Variants in MGMT observed in about 807,000 individuals in gnomAD.
MGMT encodes the protein methylated-DNA--protein-cysteine methyltransferase.
MGMT carries 14 observed loss-of-function variants against 15.9 expected under a neutral mutation model. That is an observed-to-expected ratio of 0.88 (90% CI 0.58 to 1.37). MGMT has a LOEUF of 1.37. Ranked by LOEUF, MGMT falls within the 40% of genes most tolerant of loss-of-function variation. The probability of loss-of-function intolerance (pLI) is 0.00; values close to 1 mark genes in which losing one functional copy is unlikely to be tolerated. For synonymous variants in MGMT, 130 were observed against 118.2 expected (o/e 1.10, Z -0.65); for missense variants, 282 against 268.1 (o/e 1.05, Z -0.36).
At chr10:129,577,776 CA>C (rs1846502592) in intron 2 of MGMT, among the ~76,000 whole-genome samples, 4 of 152,048 alleles carry the variant, frequency 2.6e-5, no homozygotes, top group Admixed American at 2.6e-4. Context: ...AAAATTTTCT[CA>C]ACCTACTCCT....
chr10:129,623,177 G>T (rs1018216888), intron 2 of MGMT, among the ~76,000 whole-genome samples: 43 of 152,172 alleles, frequency 2.8e-4, no homozygotes, highest in African/African-American at 1.0e-3. Context: ...TTACAATGAA[G>T]CCCTTGCGCT....
chr10:129,505,423 G>A (rs1204540578), intron 1 of MGMT, among the ~76,000 whole-genome samples: 1 of 152,184 alleles, frequency 6.6e-6, no homozygotes, highest in East Asian at 1.9e-4. Context: ...AATATTATGT[G>A]ATAAATATGT....
At chr10:129,725,554 A>G (rs1241943764) in intron 3 of MGMT, among the ~76,000 whole-genome samples, 1 of 152,194 alleles carries the variant, frequency 6.6e-6, no homozygotes, top group Non-Finnish European at 1.5e-5. Context: ...CACCTTTTCC[A>G]GGTGGTGGTT....
At chr10:129,702,142 C>G (rs940520814) in intron 2 of MGMT, 1 of 152,204 alleles carries the variant, frequency 6.6e-6, no homozygotes, top group African/African-American at 2.4e-5. Context: ...TCACCGGGGC[C>G]TTCCAGTCTG....
Position 129,731,431 on chromosome 10 carries a change from C to T in MGMT, c.274+23388C>T, listed in dbSNP as rs574373148. On this transcript the variant is annotated intron_variant, in intron 3 of 4. Coordinates refer to ENST00000651593, the MANE Select transcript of MGMT (RefSeq NM_002412.5). ...AAGCTTGAGTGCAGTGACACGATCT[C>T]GGCTTACTGCAACATCTGCCTCCTG... Among the ~76,000 whole-genome samples, 131 of 144,262 alleles carry T rather than the reference C, an allele frequency of 9.1e-4. 1 individual carries two copies. The highest frequency in any genetic ancestry group is 3.0e-3 in the African/African-American group (115 of 38,338). 94.6% of individuals were successfully genotyped at this position (144,262 alleles called of 152,430 possible). A position where few individuals can be genotyped will look rare whatever the true frequency, so the allele number is the denominator to read the frequency against.
At chr10:129,569,131 C>A (rs1846388196) in intron 2 of MGMT, among the ~76,000 whole-genome samples, 2 of 152,186 alleles carry the variant, frequency 1.3e-5, no homozygotes, top group African/African-American at 2.4e-5. Context: ...TGGCAGGTTA[C>A]CTCAGCTGTT....
chr10:129,592,436 A>G (rs1445078100), intron 2 of MGMT, among the ~76,000 whole-genome samples: 2 of 152,240 alleles, frequency 1.3e-5, no homozygotes, highest in African/African-American at 4.8e-5. Context: ...GTAGATTTGC[A>G]TACCTCAGTG....
intron 2 of MGMT, among the ~76,000 whole-genome samples, chr10:129,610,467 C>T (rs1303232585): frequency 6.6e-6 from 1 of 152,260 alleles, no homozygotes; most frequent in Non-Finnish European, 1.5e-5. Context: ...CTTGAGCCCC[C>T]ACCCTGCACA....
At position 129,716,044 on chromosome 10, in the gene MGMT, A is replaced by G. The variant is rs546480867; in HGVS notation, c.274+8001A>G. Among the ~76,000 whole-genome samples, 13 of 152,326 alleles carry G rather than the reference A, an allele frequency of 8.5e-5. No individual in the cohort carries two copies. The South Asian group carries it at 2.7e-3, about 32-fold the overall frequency. ...TGGGAACATCCTCAAGACAGAGCAG[A>G]CTTCCTGGAGGCTCAGCCGGAACGT... On this transcript the variant is annotated intron_variant, in intron 3 of 4. Transcript: ENST00000651593.
intron 1 of MGMT, among the ~76,000 whole-genome samples, chr10:129,495,720 C>T (rs1157603637): frequency 2.0e-5 from 3 of 152,194 alleles, no homozygotes; most frequent in South Asian, 2.1e-4. Flanking sequence ...GAATCTGGCC[C>T]GTCCTAGGCT....
At chr10:129,731,356 CTTTTTT>C (rs547636043) in intron 3 of MGMT, among the ~76,000 whole-genome samples, 1 of 96,994 alleles carries the variant, frequency 1.0e-5, no homozygotes. Flanking sequence ...AAACCTAAGA[CTTTTTT>C]TTTTTTTTTT....
intron 1 of MGMT, among the ~76,000 whole-genome samples, chr10:129,475,434 G>A (rs1845281567): frequency 6.6e-6 from 1 of 152,158 alleles, no homozygotes. Flanking sequence ...GGTCTTATAA[G>A]GCCTTTAACG....
chr10:129,572,919 T>C (rs1269160224), intron 2 of MGMT, among the ~76,000 whole-genome samples: 1 of 152,216 alleles, frequency 6.6e-6, no homozygotes, highest in Non-Finnish European at 1.5e-5. Flanking sequence ...TGGTTTGCTT[T>C]GGTCCTTTTT....
intron 2 of MGMT, among the ~76,000 whole-genome samples, chr10:129,593,177 C>T (rs1012119302): frequency 2.6e-5 from 4 of 152,092 alleles, no homozygotes; most frequent in Non-Finnish European, 5.9e-5. Flanking sequence ...CATCCTATGC[C>T]CTGCTCATTC....
chr10:129,468,738 A>G (rs1845198690), intron 1 of MGMT, among the ~76,000 whole-genome samples: 1 of 151,970 alleles, frequency 6.6e-6, no homozygotes, highest in Non-Finnish European at 1.5e-5. Context: ...CACAAAAATT[A>G]TCCAGGCGTG....
chr10:129,582,258 C>G (rs180834059), intron 2 of MGMT, among the ~76,000 whole-genome samples: 2 of 152,310 alleles, frequency 1.3e-5, no homozygotes, highest in Non-Finnish European at 2.9e-5. Flanking sequence ...CGCCTTCTAC[C>G]AGGAGCCAAG....
chr10:129,468,297 C>A (rs1845193335), intron 1 of MGMT, among the ~76,000 whole-genome samples: 2 of 152,136 alleles, frequency 1.3e-5, no homozygotes, highest in Admixed American at 1.3e-4. Flanking sequence ...GCTTAGCGCA[C>A]CTGGTGGGTG....
At chr10:129,574,584 T>C (rs959507601) in intron 2 of MGMT, among the ~76,000 whole-genome samples, 1 of 152,188 alleles carries the variant, frequency 6.6e-6, no homozygotes, top group Non-Finnish European at 1.5e-5. Context: ...AATAGTTCTT[T>C]GTAGACAGAC....
intron 2 of MGMT, among the ~76,000 whole-genome samples, chr10:129,653,751 C>T (rs1189784890): frequency 1.3e-5 from 2 of 152,216 alleles, no homozygotes; most frequent in Admixed American, 6.5e-5. Context: ...GCGTGGTGGC[C>T]GTCACAGCCT....
Sources: gnomAD v4.1 joint callset for allele counts (sites outside exome capture counted in the v4.1 genomes callset) on GRCh38, gnomAD v4.1.1 for gene constraint, MANE v1.5 for transcripts, NCBI Gene and HGNC (gene_info 2026-07-23, HGNC 2026-07-21) for gene names.